The following RIF1 variants were observed in gnomAD, a reference collection of about 807,000 sequenced individuals.
The protein encoded by RIF1 is replication timing regulatory factor 1.
In RIF1, 45 loss-of-function variants were observed where a neutral mutation model predicts 247.1. The observed-to-expected ratio is 0.18, with a 90% CI of 0.14 to 0.23. The LOEUF (loss-of-function observed/expected upper bound fraction) is 0.23. Ranked by LOEUF, RIF1 falls within the 10% of genes least tolerant of loss-of-function variation. The pLI is 1.00. For missense variants in RIF1, 2,967 were observed against 2,862.5 expected (o/e 1.04, Z -0.83); for synonymous variants, 1,087 against 978.8 (o/e 1.11, Z -2.06).
At position 151,465,365 on chromosome 2, in the gene RIF1, A is replaced by G. The variant is rs750346019; in HGVS notation, c.5845A>G (p.Asn1949Asp). 2.5e-5 allele frequency: 41 copies of G among 1,613,740 alleles called. No individual in the cohort carries two copies. The highest frequency in any genetic ancestry group is 3.3e-5 in the Non-Finnish European group (39 of 1,179,950). Reference protein sequence around the residue: ...EEAAIEENKRNDDSEADTAKL... With the variant: ...EEAAIEENKRDDDSEADTAKL... ...AGCAGCAATAGAAGAAAATAAAAGAAATGATGACTCTGAAGCAGACACAGC... is the reference window on the plus strand; with the variant it reads ...AGCAGCAATAGAAGAAAATAAAAGAGATGATGACTCTGAAGCAGACACAGC... The change falls in exon 30 of 36, where the codon AAT (asparagine) becomes GAT (aspartate). Residue 1949 changes from asparagine (N) to aspartate (D), a missense_variant. Asn to Asp is a conservative substitution (Grantham distance 23). Transcript: ENST00000444746.
chr2:151,462,399 A>G lies in RIF1; in HGVS notation c.3309-13A>G, dbSNP rs200622145. 3.3e-6 allele frequency: 5 copies of G among 1,496,696 alleles called. No individual in the cohort carries two copies. Among genetic ancestry groups the G allele is most frequent in the East Asian group, 4.6e-5 (2 of 43,376 alleles). The allele number at this position is 1,496,696 out of a possible 1,614,324, so 92.7% of individuals were successfully genotyped here. On this transcript the variant is annotated splice_polypyrimidine_tract_variant and intron_variant, in intron 28 of 35. Transcript: ENST00000444746. ...AATTATAAAAATAATATTCTTACTAATATTTATTTCAGGGAAATTCCTACT... is the reference window on the plus strand; with the variant it reads ...AATTATAAAAATAATATTCTTACTAGTATTTATTTCAGGGAAATTCCTACT...
the RIF1 span, chr2:151,513,830 G>A: frequency 2.9e-5 from 19 of 661,230 alleles, no homozygotes; most frequent in South Asian, 3.8e-5. Context: ...CTTCACCTTC[G>A]CTCTTCCGTG....
intron 7 of RIF1, among the ~76,000 whole-genome samples, chr2:151,422,146 AACCC>A (rs981885982): frequency 6.6e-6 from 1 of 152,126 alleles, no homozygotes; most frequent in Non-Finnish European, 1.5e-5. Flanking sequence ...TTCTTTCTTT[AACCC>A]ATTTATCAAG....
chr2:151,499,965 T>TA (rs1277002758), intron 11 of RIF1, among the ~76,000 whole-genome samples: 1 of 152,142 alleles, frequency 6.6e-6, no homozygotes, highest in African/African-American at 2.4e-5. Flanking sequence ...ATGGTTACTT[T>TA]AAAAAAAGTC....
intron 21 of RIF1, among the ~76,000 whole-genome samples, chr2:151,452,741 T>C (rs1344814047): frequency 6.6e-6 from 1 of 152,258 alleles, no homozygotes; most frequent in Non-Finnish European, 1.5e-5. Context: ...CAAGATTATA[T>C]AACAGATGAT....
intron 11 of RIF1, among the ~76,000 whole-genome samples, chr2:151,500,444 A>G (rs1559261882): frequency 1.3e-5 from 2 of 151,974 alleles, no homozygotes; most frequent in Non-Finnish European, 2.9e-5. Context: ...TTTGTGTGTT[A>G]GAGTTTTTCA....
chr2:151,474,228 A>T (rs773875978), intron 35 of RIF1, among the ~76,000 whole-genome samples, 156 bp downstream of exon 35: 1 of 152,190 alleles, frequency 6.6e-6, no homozygotes, highest in Non-Finnish European at 1.5e-5. Flanking sequence ...TTGGACATCA[A>T]ATGTGTCTAC....
chr2:151,438,134 A>G (rs1691588444), intron 13 of RIF1, among the ~76,000 whole-genome samples: 1 of 152,200 alleles, frequency 6.6e-6, no homozygotes, highest in African/African-American at 2.4e-5. Flanking sequence ...AGATAAAACA[A>G]TTACCCTTAG....
At chr2:151,507,973 TG>T in exon 14 of RIF1, 1 of 1,505,984 alleles carries the variant, frequency 6.6e-7, no homozygotes, top group African/African-American at 1.4e-5. Context: ...TAGGTGCCTG[TG>T]GGCTGTGCCT....
intron 25 of RIF1, 71 bp from the exon 26 acceptor site, chr2:151,459,929 C>T: frequency 8.0e-7 from 1 of 1,254,372 alleles, no homozygotes. Context: ...TAGGAATTTT[C>T]AAAACGTGAA....
intron 35 of RIF1, among the ~76,000 whole-genome samples, chr2:151,474,365 A>G (rs1251514965): frequency 1.3e-5 from 2 of 152,136 alleles, no homozygotes; most frequent in Admixed American, 6.5e-5. Flanking sequence ...AGAATAATCT[A>G]TGAGAATAGC....
the RIF1 span, chr2:151,530,790 G>A: frequency 9.5e-6 from 4 of 421,098 alleles, no homozygotes; most frequent in East Asian, 7.3e-5. Flanking sequence ...AGCCCCAGGT[G>A]TCTGCCAGCA....
At chr2:151,532,553 C>T in the RIF1 span, among the ~76,000 whole-genome samples, 1 of 151,894 alleles carries the variant, frequency 6.6e-6, no homozygotes, top group Non-Finnish European at 1.5e-5. Context: ...ACAGAGAGCA[C>T]CATAAAATTT....
At chr2:151,448,589 A>C (rs965387927) in intron 20 of RIF1, among the ~76,000 whole-genome samples, 1 of 152,172 alleles carries the variant, frequency 6.6e-6, no homozygotes, top group East Asian at 1.9e-4. Flanking sequence ...TTAGATTTGG[A>C]ATAAAAATCT....
chr2:151,444,462 A>G (rs1250958126), intron 18 of RIF1, among the ~76,000 whole-genome samples: 1 of 152,136 alleles, frequency 6.6e-6, no homozygotes, highest in Admixed American at 6.6e-5. Flanking sequence ...GGTGCACGCC[A>G]CCAAGCCCAG....
rs1252009536 is a variant in RIF1, at chr2:151,476,551, G to A, written c.*1480G>A. On this transcript the variant is annotated 3_prime_UTR_variant, in exon 36 of 36. Coordinates refer to ENST00000444746, the MANE Select transcript of RIF1 (RefSeq NM_018151.5). ...TAATCCTTGTGCCTCCTTAGCTCTC[G>A]TATATTCAGGGATCTCTATAAAAGT... The A allele has an allele frequency of 3.3e-5, 5 of 152,076 alleles. No homozygotes were observed. The highest frequency in any genetic ancestry group is 1.3e-4 in the Admixed American group (2 of 15,264). The allele number at this position is 152,076 out of a possible 1,614,324, so 9.4% of individuals were successfully genotyped here. A position where few individuals can be genotyped will look rare whatever the true frequency, so the allele number is the denominator to read the frequency against.
intron 11 of RIF1, chr2:151,501,304 T>A: frequency 1.1e-6 from 1 of 870,946 alleles, no homozygotes. Flanking sequence ...TTAAATTGAT[T>A]ATTATAAAGG....
At position 151,438,710 on chromosome 2, in the gene RIF1, G is replaced by A; in HGVS notation, c.1510G>A (p.Glu504Lys). The A allele has an allele frequency of 6.2e-7, 1 of 1,613,036 alleles. No homozygotes were observed. Among genetic ancestry groups the A allele is most frequent in the Non-Finnish European group, 8.5e-7 (1 of 1,179,068 alleles). Residue 504 changes from glutamate to lysine, a missense_variant, in exon 14 of 36, where the codon GAG (glutamate) becomes AAG (lysine). By Grantham distance (56) the Glu-to-Lys change is moderately conservative. Transcript: ENST00000444746. Reference protein sequence around the residue: ...PDVVVSAIWKELISLVKSVTE... With the variant: ...PDVVVSAIWKKLISLVKSVTE... ...TGTGGTTGTCAGTGCTATCTGGAAG[G>A]AGCTAATTAGCTTGGTGAAGTCAGT...
intron 34 of RIF1, among the ~76,000 whole-genome samples, 177 bp from the exon 35 acceptor site, chr2:151,473,787 T>C (rs2048762039): frequency 6.6e-6 from 1 of 152,200 alleles, no homozygotes; most frequent in Admixed American, 6.5e-5. Context: ...TAATGCTTTA[T>C]TTTGTGTAGT....
Sources: gnomAD v4.1 joint callset for allele counts (sites outside exome capture counted in the v4.1 genomes callset) on GRCh38, gnomAD v4.1.1 for gene constraint, MANE v1.5 for transcripts, NCBI Gene and HGNC (gene_info 2026-07-23, HGNC 2026-07-21) for gene names.